The following ZDHHC9 variants were observed in gnomAD, a reference collection of about 807,000 sequenced individuals.
ZDHHC9 encodes palmitoyltransferase ZDHHC9.
ZDHHC9 carries 3 observed loss-of-function variants against 26.6 expected under a neutral mutation model. That is an observed-to-expected ratio of 0.11 (90% CI 0.05 to 0.29). ZDHHC9 has a LOEUF of 0.29. Among genes scored for constraint, ZDHHC9 ranks in the 10% least tolerant of loss-of-function variants. The probability of loss-of-function intolerance (pLI) is 1.00; values close to 1 mark genes in which losing one functional copy is unlikely to be tolerated. For synonymous variants in ZDHHC9, 111 were observed against 109.4 expected (o/e 1.01, Z -0.09); for missense variants, 146 against 296.4 (o/e 0.49, Z 3.73).
At chrX:129,835,207 G>A (rs1245734295) in intron 3 of ZDHHC9, among the ~76,000 whole-genome samples, 3 of 111,913 alleles carry the variant, frequency 2.7e-5, no homozygotes, top group Admixed American at 9.5e-5. Context: ...AGCACTTTGG[G>A]AGGCCAAGGC....
chrX:129,832,764 C>T (rs1232904649), intron 3 of ZDHHC9, among the ~76,000 whole-genome samples: 1 of 104,452 alleles, frequency 9.6e-6, no homozygotes, highest in Non-Finnish European at 1.9e-5. Context: ...GCCTGGGTGA[C>T]AGTGCAAGAC....
chrX:129,834,675 T>C (rs1270723601), intron 3 of ZDHHC9, among the ~76,000 whole-genome samples: 1 of 111,610 alleles, frequency 9.0e-6, no homozygotes, highest in African/African-American at 3.3e-5. Flanking sequence ...CTCGAGAACT[T>C]AGAACCATTC....
At chrX:129,817,698 A>G (rs763233327) in intron 5 of ZDHHC9, among the ~76,000 whole-genome samples, 5 of 109,717 alleles carry the variant, frequency 4.6e-5, no homozygotes, top group South Asian at 3.9e-4. Context: ...CCCATTCTAG[A>G]TATCTCATAT....
At chrX:129,808,876 G>A (rs753873816) in intron 10 of ZDHHC9, among the ~76,000 whole-genome samples, 8 of 111,828 alleles carry the variant, frequency 7.2e-5, no homozygotes, top group Non-Finnish European at 1.5e-4. Flanking sequence ...CAATAAAAAA[G>A]ACAAACAATC....
At position 129,812,636 on chromosome X, in the gene ZDHHC9, CTCG is replaced by C. The variant is rs1473626312; in HGVS notation, c.777+79_777+81del. The C allele has an allele frequency of 5.8e-6, 5 of 866,033 alleles. No individual in the cohort carries two copies. The African/African-American group carries it at 9.9e-5, about 17-fold the overall frequency. 71.4% of individuals were successfully genotyped at this position (866,033 alleles called of 1,213,427 possible). ...GCCTCAACCTCCCAGGCCCTGGAGA[CTCG>C]GTAGTTCTCTAGCAGGTAGCAAGAG... On this transcript the variant is annotated intron_variant, in intron 8 of 10. Transcript: ENST00000357166.
intron 4 of ZDHHC9, among the ~76,000 whole-genome samples, chrX:129,828,499 G>C (rs1188721757): frequency 9.1e-6 from 1 of 110,267 alleles, no homozygotes; most frequent in Non-Finnish European, 1.9e-5. Flanking sequence ...GCATGTGACT[G>C]TAATCCCAGC....
intron 3 of ZDHHC9, among the ~76,000 whole-genome samples, chrX:129,839,227 T>TG (rs1328390203): frequency 9.2e-6 from 1 of 108,574 alleles, no homozygotes; most frequent in Admixed American, 9.8e-5. Flanking sequence ...TAAGTTCTTT[T>TG]TTTTTTTTTT....
At chrX:129,826,595 T>C (rs1017792255) in intron 4 of ZDHHC9, among the ~76,000 whole-genome samples, 1 of 110,933 alleles carries the variant, frequency 9.0e-6, no homozygotes, top group Non-Finnish European at 1.9e-5. Flanking sequence ...AGTTTCTCCA[T>C]ATGTGAATGG....
chrX:129,837,307 C>T (rs1218471080), intron 3 of ZDHHC9, among the ~76,000 whole-genome samples: 1 of 112,208 alleles, frequency 8.9e-6, no homozygotes, highest in Admixed American at 9.4e-5. Flanking sequence ...TTGAAAGAGA[C>T]TAGCTGCGGG....
chrX:129,826,672 T>C (rs116457291), intron 4 of ZDHHC9, among the ~76,000 whole-genome samples: 6,616 of 111,209 alleles, frequency 0.059, 491 homozygotes, highest in African/African-American at 0.2. Flanking sequence ...CCTCACCATC[T>C]TGCTCCTAAC....
intron 3 of ZDHHC9, among the ~76,000 whole-genome samples, chrX:129,834,780 T>G (rs976745364): frequency 1.8e-5 from 2 of 111,950 alleles, no homozygotes; most frequent in Admixed American, 9.5e-5. Context: ...ATAGGGGCCC[T>G]GTCTTCCCCA....
chrX:129,806,009 T>A lies in ZDHHC9; in HGVS notation c.*361A>T. 1 of 235,574 alleles carries A rather than the reference T, an allele frequency of 4.2e-6. No individual in the cohort carries two copies. The highest frequency in any genetic ancestry group is 1.1e-4 in the East Asian group (1 of 9,447). 19.4% of individuals were successfully genotyped at this position (235,574 alleles called of 1,213,427 possible). ...CAGCTTGGGAGGATTTGAGCCAGTCTCAAAAACTTTTAGCCCCAGAATGAG... is the reference window on the plus strand; with the variant it reads ...CAGCTTGGGAGGATTTGAGCCAGTCACAAAAACTTTTAGCCCCAGAATGAG... On this transcript the variant is annotated 3_prime_UTR_variant, in exon 11 of 11. Transcript: ENST00000357166.
chrX:129,806,123 G>C lies in ZDHHC9; in HGVS notation c.*247C>G. 7.7e-6 allele frequency: 3 copies of C among 391,383 alleles called. No homozygotes were observed. Among genetic ancestry groups the C allele is most frequent in the Non-Finnish European group, 1.4e-5 (3 of 221,881 alleles). The allele number at this position is 391,383 out of a possible 1,213,427, so 32.3% of individuals were successfully genotyped here. On this transcript the variant is annotated 3_prime_UTR_variant, in exon 11 of 11. Transcript: ENST00000357166. ...GTGGCTGAGGCCATGGAGAACCAGT[G>C]CCAGGGCCCAAGAGACCCATTTTTC...
chrX:129,817,164 T>G (rs1430533683), intron 5 of ZDHHC9, among the ~76,000 whole-genome samples: 1 of 111,520 alleles, frequency 9.0e-6, no homozygotes, highest in Non-Finnish European at 1.9e-5. Context: ...CATGAGCCAC[T>G]GCGCCCGGCC....
rs763845850 is a variant in ZDHHC9 at position 129,823,838 on chromosome X, C to CT, written c.329-2dup. The stretch of plus-strand genomic sequence containing the variant: ...TGGGGCACCGCACCATTGGTAGCTT[C>CT]TGTAAATCAATAAAGACAGTTAATA... On this transcript the variant is annotated splice_acceptor_variant, in intron 4 of 10. Coordinates refer to ENST00000357166, the MANE Select transcript of ZDHHC9 (RefSeq NM_016032.4). LOFTEE classifies it high-confidence loss of function. The CT allele has an allele frequency of 4.1e-6, 5 of 1,208,292 alleles. No homozygotes were observed. Among genetic ancestry groups the CT allele is most frequent in the Non-Finnish European group, 5.6e-6 (5 of 895,037 alleles).
At chrX:129,811,039 T>TCACCCCTCCACC (rs1395622375) in intron 9 of ZDHHC9, 38 bp from the exon 10 acceptor site, 7 of 1,128,147 alleles carry the variant, frequency 6.2e-6, no homozygotes, top group Non-Finnish European at 8.5e-6. Context: ...AACTGGGCAT[T>TCACCCCTCCACC]CACCCCTCCA....
intron 6 of ZDHHC9, among the ~76,000 whole-genome samples, chrX:129,814,228 T>C (rs1927708412): frequency 8.9e-6 from 1 of 111,739 alleles, no homozygotes; most frequent in African/African-American, 3.3e-5. Context: ...GTGGGTGTGC[T>C]TTCTATCTCC....
intron 3 of ZDHHC9, among the ~76,000 whole-genome samples, chrX:129,837,912 T>C (rs190631292): frequency 8.9e-6 from 1 of 112,262 alleles, no homozygotes; most frequent in African/African-American, 3.2e-5. Flanking sequence ...CACGATAGCC[T>C]TTCAGTAGCT....
At chrX:129,823,932 G>T (rs918783932) in intron 4 of ZDHHC9, 95 bp from the exon 5 acceptor site, 3 of 853,813 alleles carry the variant, frequency 3.5e-6, no homozygotes, top group Non-Finnish European at 5.1e-6. Context: ...GCATTCAAAG[G>T]TTCCCCAAGC....
Sources: allele counts gnomAD v4.1 joint callset (sites outside exome capture counted in the v4.1 genomes callset), GRCh38; gene constraint gnomAD v4.1.1; transcripts MANE v1.5; gene names NCBI Gene and HGNC (gene_info 2026-07-23, HGNC 2026-07-21).